The following MDGA2 variants were observed in gnomAD, a reference collection of about 807,000 sequenced individuals.
MDGA2 encodes the protein MAM domain-containing glycosylphosphatidylinositol anchor protein 2.
In MDGA2, 40 loss-of-function variants were observed where a neutral mutation model predicts 117.8. That is an observed-to-expected ratio of 0.34 (90% confidence interval 0.26 to 0.44). The LOEUF is 0.44. Ranked by LOEUF, MDGA2 falls within the 20% of genes least tolerant of loss-of-function variation. MDGA2 has a pLI of 1.00. For missense variants in MDGA2, 1,123 were observed against 1,250.6 expected, an observed-to-expected ratio of 0.90 and a Z score of 1.54; for synonymous variants, 452 against 439.0, an observed-to-expected ratio of 1.03 and a Z score of -0.37.
At chr14:47,661,894 C>T (rs925792877) in intron 1 of MDGA2, among the ~76,000 whole-genome samples, 3 of 151,852 alleles carry the variant, frequency 2.0e-5, no homozygotes, top group Non-Finnish European at 4.4e-5. Flanking sequence ...CGCCACTACG[C>T]CCGGCTAATT....
chr14:46,916,109 T>C (rs1302383897), intron 10 of MDGA2, among the ~76,000 whole-genome samples: 1 of 152,162 alleles, frequency 6.6e-6, no homozygotes, highest in East Asian at 1.9e-4. Flanking sequence ...AGCCCACATG[T>C]AACACTCCCC....
At chr14:46,995,819 C>T (rs971816958) in intron 8 of MDGA2, among the ~76,000 whole-genome samples, 4 of 151,578 alleles carry the variant, frequency 2.6e-5, no homozygotes, top group Admixed American at 1.3e-4. Context: ...ATTTCTTATT[C>T]GTCTAACAGG....
chr14:47,310,465 A>C (rs1472120934), intron 1 of MDGA2, among the ~76,000 whole-genome samples: 4 of 152,118 alleles, frequency 2.6e-5, no homozygotes, highest in Non-Finnish European at 5.9e-5. Flanking sequence ...TTGAAAATCC[A>C]TCAAATATCT....
intron 1 of MDGA2, among the ~76,000 whole-genome samples, chr14:47,543,045 A>C (rs1895384230): frequency 6.6e-6 from 1 of 152,118 alleles, no homozygotes; most frequent in African/African-American, 2.4e-5. Flanking sequence ...ACCTGTCTTT[A>C]CAAAAAAATA....
chr14:47,643,278 T>C (rs770258454), intron 1 of MDGA2, among the ~76,000 whole-genome samples: 1 of 152,100 alleles, frequency 6.6e-6, no homozygotes, highest in Non-Finnish European at 1.5e-5. Context: ...TAATAAAATG[T>C]CTATCAAAAG....
chr14:46,974,277 A>AT (rs1343871702), intron 8 of MDGA2, among the ~76,000 whole-genome samples: 1 of 152,168 alleles, frequency 6.6e-6, no homozygotes, highest in Admixed American at 6.6e-5. Context: ...AAGACCTAAT[A>AT]TTGTTAATAC....
chr14:47,390,845 T>A (rs1891877703), intron 1 of MDGA2, among the ~76,000 whole-genome samples: 1 of 152,142 alleles, frequency 6.6e-6, no homozygotes, highest in Admixed American at 6.6e-5. Flanking sequence ...CCTGGAATTT[T>A]TCCTATTTCT....
At chr14:47,355,351 A>G (rs529597137) in intron 1 of MDGA2, among the ~76,000 whole-genome samples, 1 of 152,256 alleles carries the variant, frequency 6.6e-6, no homozygotes, top group South Asian at 2.1e-4. Flanking sequence ...GTATTCCCCA[A>G]TGACTGAAAA....
intron 1 of MDGA2, among the ~76,000 whole-genome samples, chr14:47,485,381 G>A (rs1471822508): frequency 6.6e-6 from 1 of 152,120 alleles, no homozygotes; most frequent in Admixed American, 6.6e-5. Context: ...CACTGAAGCA[G>A]TTAAGAGGTA....
chr14:47,314,631 T>C (rs1462124089), intron 1 of MDGA2, among the ~76,000 whole-genome samples: 1 of 151,806 alleles, frequency 6.6e-6, no homozygotes, highest in Non-Finnish European at 1.5e-5. Context: ...TGAGCTATAA[T>C]TGCACCATTA....
At chr14:47,044,885 T>C (rs1045508665) in intron 7 of MDGA2, among the ~76,000 whole-genome samples, 3 of 152,184 alleles carry the variant, frequency 2.0e-5, no homozygotes, top group African/African-American at 4.8e-5. Context: ...TAGAACGGCA[T>C]TGTTCATTAC....
intron 1 of MDGA2, among the ~76,000 whole-genome samples, chr14:47,657,421 C>T (rs1897765190): frequency 6.6e-6 from 1 of 152,140 alleles, no homozygotes; most frequent in Non-Finnish European, 1.5e-5. Context: ...TATCCATATA[C>T]TGAATAGCAA....
intron 2 of MDGA2, among the ~76,000 whole-genome samples, chr14:47,225,759 A>G (rs1376631618): frequency 6.6e-6 from 1 of 152,024 alleles, no homozygotes; most frequent in Non-Finnish European, 1.5e-5. Flanking sequence ...ACATGTATAC[A>G]TATGTAACTA....
intron 1 of MDGA2, among the ~76,000 whole-genome samples, chr14:47,474,688 T>A (rs1893799506): frequency 6.6e-6 from 1 of 152,000 alleles, no homozygotes; most frequent in Non-Finnish European, 1.5e-5. Flanking sequence ...ACCACATACC[T>A]ACAACTATCT....
chr14:46,953,492 T>C (rs1428432197), intron 9 of MDGA2, among the ~76,000 whole-genome samples: 1 of 152,004 alleles, frequency 6.6e-6, no homozygotes, highest in Non-Finnish European at 1.5e-5. Flanking sequence ...GGAACATTGA[T>C]TACCATTTTA....
At chr14:47,518,093 GGT>G (rs2138707000) in intron 1 of MDGA2, among the ~76,000 whole-genome samples, 1 of 151,974 alleles carries the variant, frequency 6.6e-6, no homozygotes, top group Admixed American at 6.6e-5. Flanking sequence ...AAGAGGTATG[GGT>G]GTGCTAACTG....
At chr14:47,663,122 T>C (rs928495589) in intron 1 of MDGA2, among the ~76,000 whole-genome samples, 3 of 152,158 alleles carry the variant, frequency 2.0e-5, no homozygotes, top group African/African-American at 7.2e-5. Context: ...AGAACTGAAA[T>C]AAAAGCATTA....
intron 1 of MDGA2, among the ~76,000 whole-genome samples, chr14:47,588,214 T>C (rs1896362619): frequency 7.0e-6 from 1 of 143,048 alleles, no homozygotes; most frequent in African/African-American, 2.6e-5. Context: ...AAACTATATT[T>C]TCAAATCTCT....
intron 1 of MDGA2, among the ~76,000 whole-genome samples, chr14:47,609,305 A>G (rs1408961893): frequency 6.7e-6 from 1 of 150,192 alleles, no homozygotes; most frequent in Non-Finnish European, 1.5e-5. Flanking sequence ...TATCTGTGAG[A>G]ACATACAATG....
Sources: gnomAD v4.1 joint callset for allele counts (sites outside exome capture counted in the v4.1 genomes callset) on GRCh38, gnomAD v4.1.1 for gene constraint, MANE v1.5 for transcripts, NCBI Gene and HGNC (gene_info 2026-07-23, HGNC 2026-07-21) for gene names.